The following DYRK1A variants were observed in gnomAD, a reference collection of about 807,000 sequenced individuals.
DYRK1A encodes the protein dual specificity tyrosine phosphorylation regulated kinase 1A, also known as dual specificity tyrosine-phosphorylation-regulated kinase 1A.
A neutral mutation model predicts 79.7 loss-of-function variants in DYRK1A; 9 were observed. The ratio of observed to expected loss-of-function variants is 0.11; its 90% CI spans 0.07 to 0.20. The LOEUF (loss-of-function observed/expected upper bound fraction) is 0.20. DYRK1A is among the 10% of genes least tolerant of loss of function. The probability of loss-of-function intolerance (pLI) is 1.00; values close to 1 mark genes in which losing one functional copy is unlikely to be tolerated. For synonymous variants in DYRK1A, 349 were observed against 329.7 expected (o/e 1.06, Z -0.63); for missense variants, 622 against 956.0 (o/e 0.65, Z 4.61).
chr21:37,381,052 C>T (rs1060576), intron 1 of DYRK1A, among the ~76,000 whole-genome samples: 3,349 of 152,284 alleles, frequency 0.022, 55 homozygotes, highest in Non-Finnish European at 0.034. Context: ...TTGATTAATG[C>T]CCTCCAGAGA....
intron 5 of DYRK1A, among the ~76,000 whole-genome samples, chr21:37,483,476 T>C (rs1001777561): frequency 6.6e-6 from 1 of 152,240 alleles, no homozygotes; most frequent in Non-Finnish European, 1.5e-5. Context: ...TTTGAAAGAA[T>C]TTTGGTAATT....
chr21:37,472,591 TA>T, intron 2 of DYRK1A, 92 bp from the exon 3 acceptor site: 1 of 1,141,894 alleles, frequency 8.8e-7, no homozygotes, highest in Non-Finnish European at 1.2e-6. Flanking sequence ...TTGAATATCC[TA>T]AAGTTCTTAT....
chr21:37,479,456 A>G (rs1350244460), intron 4 of DYRK1A, among the ~76,000 whole-genome samples: 1 of 151,796 alleles, frequency 6.6e-6, no homozygotes, highest in Non-Finnish European at 1.5e-5. Context: ...CACGTTATAA[A>G]GTAGACTTTT....
At chr21:37,383,336 T>C (rs1387023881) in intron 1 of DYRK1A, among the ~76,000 whole-genome samples, 1 of 152,204 alleles carries the variant, frequency 6.6e-6, no homozygotes, top group Admixed American at 6.5e-5. Flanking sequence ...ATATCTGTGG[T>C]TTGAATTTTG....
At chr21:37,402,379 T>G (rs1353035622) in intron 1 of DYRK1A, among the ~76,000 whole-genome samples, 1 of 152,202 alleles carries the variant, frequency 6.6e-6, no homozygotes, top group Non-Finnish European at 1.5e-5. Flanking sequence ...TTTCACTGAA[T>G]GTAGAATTCT....
rs1305399227 is a variant in DYRK1A at position 37,486,582 on chromosome 21, A to G, written c.605A>G (p.Asn202Ser). 6.3e-7 allele frequency: 1 copy of G among 1,594,658 alleles called. No individual in the cohort carries two copies. The highest frequency in any genetic ancestry group is 8.5e-7 in the Non-Finnish European group (1 of 1,171,800). Reference sequence around the variant, plus strand: ...GAAGTGCGACTTCTTGAGCTCATGAACAAACATGACACTGAAATGAAATAC... The same window carrying G: ...GAAGTGCGACTTCTTGAGCTCATGAGCAAACATGACACTGAAATGAAATAC... ...QIEVRLLELM[N>S]KHDTEMKYYI... The change falls in exon 6 of 12, where the codon AAC (asparagine) becomes AGC (serine). Residue 202 changes from asparagine to serine, a missense_variant. By Grantham distance (46) the Asn-to-Ser change is conservative (BLOSUM62 1). This residue lies in a region of DYRK1A where 138 missense variants were observed against 346.4 expected (regional missense o/e 0.40). Transcript: ENST00000647188.
chr21:37,426,913 CG>C (rs376120990), intron 2 of DYRK1A, among the ~76,000 whole-genome samples: 97,316 of 112,370 alleles, frequency 0.87, 41,444 homozygotes, highest in South Asian at 0.96. Flanking sequence ...GAGCGAGACT[CG>C]GTTCTAAAAA....
At chr21:37,414,938 A>ACATACATACTAAC (rs1396364614) in intron 1 of DYRK1A, among the ~76,000 whole-genome samples, 2 of 152,224 alleles carry the variant, frequency 1.3e-5, no homozygotes, top group Non-Finnish European at 2.9e-5. Context: ...ATTTTGAGTT[A>ACATACATACTAAC]GTAACAGAGT....
At chr21:37,369,022 T>C (rs868113860) in intron 1 of DYRK1A, among the ~76,000 whole-genome samples, 37 of 152,202 alleles carry the variant, frequency 2.4e-4, no homozygotes, top group African/African-American at 8.7e-4. Flanking sequence ...ATTAAAGATA[T>C]TCCTTGATGT....
intron 2 of DYRK1A, among the ~76,000 whole-genome samples, chr21:37,434,495 A>C (rs1020007590): frequency 6.6e-6 from 1 of 152,206 alleles, no homozygotes; most frequent in East Asian, 1.9e-4. Flanking sequence ...TGTTCTTTAA[A>C]ACTATCTTTG....
chr21:37,482,231 G>A (rs1332647419), intron 5 of DYRK1A, among the ~76,000 whole-genome samples: 1 of 84,174 alleles, frequency 1.2e-5, no homozygotes, highest in Non-Finnish European at 2.9e-5. Flanking sequence ...CTGTATTATC[G>A]GGGGAAATTC....
chr21:37,397,708 A>G (rs777870749), intron 1 of DYRK1A, among the ~76,000 whole-genome samples: 1 of 152,162 alleles, frequency 6.6e-6, no homozygotes, highest in Non-Finnish European at 1.5e-5. Context: ...ATATAGGTTC[A>G]GGCCTTACCC....
At position 37,507,421 on chromosome 21, in the gene DYRK1A, T is replaced by G. The variant is rs556159703; in HGVS notation, c.1644+1198T>G. 3.9e-5 allele frequency among the ~76,000 whole-genome samples: 6 copies of G among 152,260 alleles called. No homozygotes were observed. In the South Asian group the frequency reaches 1.2e-3, roughly 32 times the overall value. On this transcript the variant is annotated intron_variant, in intron 11 of 11. Transcript: ENST00000647188. ...GCACCTTTGCGTGTCCCCCTTTCTTTCCCTATACTTCTGCTACCTGTGGTC... is the reference window on the plus strand; with the variant it reads ...GCACCTTTGCGTGTCCCCCTTTCTTGCCCTATACTTCTGCTACCTGTGGTC...
chr21:37,377,588 C>T (rs1331276336), intron 1 of DYRK1A, among the ~76,000 whole-genome samples: 3 of 152,146 alleles, frequency 2.0e-5, no homozygotes, highest in East Asian at 3.8e-4. Flanking sequence ...CTCACCTTAG[C>T]CTCCTGAGTA....
At chr21:37,410,910 A>G (rs1602428950) in intron 1 of DYRK1A, among the ~76,000 whole-genome samples, 1 of 152,000 alleles carries the variant, frequency 6.6e-6, no homozygotes, top group East Asian at 1.9e-4. Flanking sequence ...TTATCTGGGC[A>G]TGGTGGCGCC....
Position 37,517,044 on chromosome 21 carries a change from A to G in DYRK1A, c.*4513A>G, listed in dbSNP as rs1266604703. 1.3e-5 allele frequency: 2 copies of G among 152,174 alleles called. No homozygotes were observed. The highest frequency in any genetic ancestry group is 1.3e-4 in the Admixed American group (2 of 15,278). The allele number at this position is 152,174 out of a possible 1,614,324, so 9.4% of individuals were successfully genotyped here. ...TTCCATTTCAGTTGAATTTCCTGTCATCCCCAGCAAAACCTGTGAATCCTT... is the reference window on the plus strand; with the variant it reads ...TTCCATTTCAGTTGAATTTCCTGTCGTCCCCAGCAAAACCTGTGAATCCTT... On this transcript the variant is annotated 3_prime_UTR_variant, in exon 12 of 12. Coordinates refer to ENST00000647188, the MANE Select transcript of DYRK1A (RefSeq NM_001347721.2).
chr21:37,439,453 A>G (rs1415046547), intron 2 of DYRK1A, among the ~76,000 whole-genome samples: 3 of 152,188 alleles, frequency 2.0e-5, no homozygotes, highest in Admixed American at 6.5e-5. Context: ...GTCCTTTATC[A>G]CAAGGGTCCC....
chr21:37,378,432 T>G (rs2049591741), intron 1 of DYRK1A, among the ~76,000 whole-genome samples: 1 of 152,198 alleles, frequency 6.6e-6, no homozygotes, highest in African/African-American at 2.4e-5. Context: ...CTGGGGAGGC[T>G]GAGGCAGGAG....
rs370660512 is a variant in DYRK1A at position 37,477,152 on chromosome 21, G to A, written c.208-1056G>A. On this transcript the variant is annotated intron_variant, in intron 3 of 11. Coordinates refer to ENST00000647188, the MANE Select transcript of DYRK1A (RefSeq NM_001347721.2). Reference sequence around the variant, plus strand: ...ATACCATGACTCCACACATTTTTGCGAGGTCTTAGTATGATGTGTTTACTG... The same window carrying A: ...ATACCATGACTCCACACATTTTTGCAAGGTCTTAGTATGATGTGTTTACTG... Among the ~76,000 whole-genome samples the A allele has an allele frequency of 5.3e-5, 8 of 152,120 alleles. No homozygotes were observed. In the East Asian group the frequency reaches 9.7e-4, roughly 18 times the overall value.
Sources: gnomAD v4.1 joint callset for allele counts (sites outside exome capture counted in the v4.1 genomes callset) on GRCh38, gnomAD v4.1.1 for gene constraint, gnomAD v4.1.1 regional missense constraint, MANE v1.5 for transcripts, NCBI Gene and HGNC (gene_info 2026-07-23, HGNC 2026-07-21) for gene names.